The following SPOCK1 variants were observed in gnomAD, a reference collection of about 807,000 sequenced individuals.
The protein encoded by SPOCK1 is SPARC (osteonectin), cwcv and kazal like domains proteoglycan 1.
SPOCK1 carries 23 observed loss-of-function variants against 55.3 expected under a neutral mutation model. The ratio of observed to expected loss-of-function variants is 0.42; its 90% CI spans 0.30 to 0.59. The LOEUF (loss-of-function observed/expected upper bound fraction) is 0.59. Ranked by LOEUF, SPOCK1 falls within the 20% of genes least tolerant of loss-of-function variation. SPOCK1 has a pLI of 0.22. For synonymous variants in SPOCK1, 226 were observed against 221.0 expected (o/e 1.02, Z -0.20); for missense variants, 499 against 552.5 (o/e 0.90, Z 0.97).
intron 6 of SPOCK1, among the ~76,000 whole-genome samples, chr5:137,039,823 T>C (rs1173568770): frequency 6.6e-6 from 1 of 152,348 alleles, no homozygotes; most frequent in African/African-American, 2.4e-5. Context: ...CCCAGAGCAA[T>C]GCTGGGTATT....
intron 2 of SPOCK1, among the ~76,000 whole-genome samples, chr5:137,473,186 G>A (rs1025656747): frequency 9.2e-5 from 14 of 152,066 alleles, no homozygotes; most frequent in Admixed American, 4.6e-4. Flanking sequence ...TGAATATGCC[G>A]GAAAATGTTC....
intron 5 of SPOCK1, among the ~76,000 whole-genome samples, chr5:137,110,469 G>A (rs1273985321): frequency 1.3e-5 from 2 of 152,160 alleles, no homozygotes; most frequent in South Asian, 2.1e-4. Context: ...GACAATGATG[G>A]CCTGATCTGC....
chr5:137,133,380 A>AG (rs1214282991), intron 4 of SPOCK1, among the ~76,000 whole-genome samples: 3 of 151,986 alleles, frequency 2.0e-5, no homozygotes, highest in Non-Finnish European at 4.4e-5. Context: ...AAAAAAAAAA[A>AG]AAAAAATTGT....
At chr5:137,063,197 C>T (rs1390620067) in intron 6 of SPOCK1, among the ~76,000 whole-genome samples, 1 of 143,212 alleles carries the variant, frequency 7.0e-6, no homozygotes, top group African/African-American at 2.6e-5. Flanking sequence ...TGCGCCACTG[C>T]AGTCCGCAGT....
At chr5:137,353,418 T>C (rs1405546956) in intron 2 of SPOCK1, among the ~76,000 whole-genome samples, 2 of 152,018 alleles carry the variant, frequency 1.3e-5, no homozygotes, top group African/African-American at 4.8e-5. Context: ...AAATAAATTG[T>C]GACACAGGCT....
chr5:137,309,519 A>C (rs571222352), intron 2 of SPOCK1, among the ~76,000 whole-genome samples: 1 of 152,276 alleles, frequency 6.6e-6, no homozygotes, highest in African/African-American at 2.4e-5. Flanking sequence ...TTCTCCACCC[A>C]GTGCCTGCTC....
At chr5:137,217,544 T>C (rs971675986) in intron 3 of SPOCK1, among the ~76,000 whole-genome samples, 6 of 152,218 alleles carry the variant, frequency 3.9e-5, no homozygotes, top group Admixed American at 3.9e-4. Context: ...AGGGATGGGA[T>C]GTAACACGCC....
chr5:137,397,903 A>G (rs2127182485), intron 2 of SPOCK1, among the ~76,000 whole-genome samples: 1 of 152,326 alleles, frequency 6.6e-6, no homozygotes, highest in East Asian at 1.9e-4. Context: ...CACTCAGCAT[A>G]TACTTGATGC....
At chr5:137,251,423 C>T (rs1049252313) in intron 3 of SPOCK1, among the ~76,000 whole-genome samples, 4 of 152,198 alleles carry the variant, frequency 2.6e-5, no homozygotes, top group South Asian at 4.1e-4. Flanking sequence ...TAGTCCTGAT[C>T]GGCCAGTAAC....
chr5:137,222,145 G>A (rs1755868448), intron 3 of SPOCK1, among the ~76,000 whole-genome samples: 1 of 152,166 alleles, frequency 6.6e-6, no homozygotes, highest in South Asian at 2.1e-4. Context: ...CAGGAGAGAG[G>A]ACAAAGCAGC....
At chr5:137,489,013 A>G (rs905685992) in intron 2 of SPOCK1, among the ~76,000 whole-genome samples, 1 of 152,204 alleles carries the variant, frequency 6.6e-6, no homozygotes, top group African/African-American at 2.4e-5. Context: ...ACCAAATCAA[A>G]TTAACTTGGA....
intron 4 of SPOCK1, among the ~76,000 whole-genome samples, chr5:137,119,498 C>G (rs966331722): frequency 5.9e-5 from 9 of 152,164 alleles, no homozygotes; most frequent in Non-Finnish European, 1.2e-4. Context: ...ACAAAAGCAG[C>G]TCTGATGAAA....
chr5:137,312,720 T>C (rs1206353880), intron 2 of SPOCK1, among the ~76,000 whole-genome samples: 2 of 152,140 alleles, frequency 1.3e-5, no homozygotes, highest in Non-Finnish European at 2.9e-5. Flanking sequence ...TAGGGTACAG[T>C]GGACAGGAAA....
rs145366703 is a variant in SPOCK1 at position 137,150,902 on chromosome 5, G to A, written c.233-10208C>T. ...GCAGCCTATGGAACACAGCTTCAGT[G>A]GAGCACTCTGGTGAGGTCATCTCTC... On this transcript the variant is annotated intron_variant, in intron 3 of 10. Transcript: ENST00000394945. 2.7e-3 allele frequency among the ~76,000 whole-genome samples: 412 copies of A among 152,272 alleles called. 1 individual carries two copies. Among genetic ancestry groups the A allele is most frequent in the Middle Eastern group, 6.8e-3 (2 of 294 alleles).
At chr5:137,326,345 G>A (rs570357891) in intron 2 of SPOCK1, among the ~76,000 whole-genome samples, 2 of 151,988 alleles carry the variant, frequency 1.3e-5, no homozygotes, top group African/African-American at 4.8e-5. Context: ...CGATTCTTAG[G>A]CTATAACCAG....
At chr5:137,078,449 T>C (rs1025819484) in intron 5 of SPOCK1, among the ~76,000 whole-genome samples, 13 of 152,096 alleles carry the variant, frequency 8.5e-5, no homozygotes, top group Admixed American at 7.9e-4. Context: ...CAAGTTGAGG[T>C]GGCACCTGAT....
intron 3 of SPOCK1, among the ~76,000 whole-genome samples, chr5:137,245,881 T>C (rs996739586): frequency 2.0e-5 from 3 of 152,062 alleles, no homozygotes; most frequent in East Asian, 3.9e-4. Flanking sequence ...TCTATTAACA[T>C]ATAAAAGGCT....
At chr5:137,167,233 T>C (rs972450067) in intron 3 of SPOCK1, among the ~76,000 whole-genome samples, 3 of 152,108 alleles carry the variant, frequency 2.0e-5, no homozygotes, top group African/African-American at 7.2e-5. Flanking sequence ...AAGGTCATTA[T>C]ATAATGTTAA....
chr5:137,322,421 C>A (rs1215926584), intron 2 of SPOCK1, among the ~76,000 whole-genome samples: 2 of 151,146 alleles, frequency 1.3e-5, no homozygotes, highest in Admixed American at 1.3e-4. Context: ...TTGTAATACT[C>A]TAACAATGGT....
Sources: allele counts gnomAD v4.1 joint callset (sites outside exome capture counted in the v4.1 genomes callset), GRCh38; gene constraint gnomAD v4.1.1; transcripts MANE v1.5; gene names NCBI Gene and HGNC (gene_info 2026-07-23, HGNC 2026-07-21).